The following ST6GALNAC3 variants were observed in gnomAD, a reference collection of about 807,000 sequenced individuals.
ST6GALNAC3 encodes ST6 N-acetylgalactosaminide alpha-2,6-sialyltransferase 3.
ST6GALNAC3 carries 25 observed loss-of-function variants against 32.7 expected under a neutral mutation model. The observed-to-expected ratio is 0.76, with a 90% CI of 0.56 to 1.07. The LOEUF is 1.07. ST6GALNAC3 is among the 50% of genes least tolerant of loss of function. ST6GALNAC3 has a pLI of 0.00. For synonymous variants in ST6GALNAC3, 129 were observed against 133.1 expected (o/e 0.97, Z 0.21); for missense variants, 355 against 382.4 (o/e 0.93, Z 0.60).
intron 3 of ST6GALNAC3, among the ~76,000 whole-genome samples, chr1:76,452,030 T>A (rs1318786258): frequency 2.0e-5 from 3 of 152,158 alleles, no homozygotes; most frequent in African/African-American, 7.2e-5. Context: ...CTTCTCCTTG[T>A]TAAGTATTGT....
At chr1:76,301,729 ATTCCTT>A (rs2100850123) in intron 1 of ST6GALNAC3, among the ~76,000 whole-genome samples, 1 of 152,100 alleles carries the variant, frequency 6.6e-6, no homozygotes, top group South Asian at 2.1e-4. Flanking sequence ...GACAGTGTAT[ATTCCTT>A]AGAGAGATGC....
At chr1:76,461,576 GGCATCT>G (rs1488238421) in intron 3 of ST6GALNAC3, among the ~76,000 whole-genome samples, 4 of 152,020 alleles carry the variant, frequency 2.6e-5, no homozygotes, top group African/African-American at 9.7e-5. Flanking sequence ...TCTCAGCATG[GGCATCT>G]GCCATGCTTG....
chr1:76,154,611 G>A (rs1273896297), intron 1 of ST6GALNAC3, among the ~76,000 whole-genome samples: 1 of 152,136 alleles, frequency 6.6e-6, no homozygotes, highest in Non-Finnish European at 1.5e-5. Context: ...GTACATCCAG[G>A]CTGCTCTTCT....
At chr1:76,331,094 G>A (rs139154107) in intron 2 of ST6GALNAC3, among the ~76,000 whole-genome samples, 113 of 152,234 alleles carry the variant, frequency 7.4e-4, no homozygotes, top group African/African-American at 2.2e-3. Flanking sequence ...TCGTGATAAT[G>A]ATGTAAGACT....
chr1:76,588,936 C>A (rs1647004319), intron 3 of ST6GALNAC3, among the ~76,000 whole-genome samples: 1 of 152,198 alleles, frequency 6.6e-6, no homozygotes, highest in Non-Finnish European at 1.5e-5. Flanking sequence ...CCCTGATTAG[C>A]TTTTCAGGTC....
chr1:76,487,638 T>G (rs2101679760), intron 3 of ST6GALNAC3, among the ~76,000 whole-genome samples: 1 of 152,332 alleles, frequency 6.6e-6, no homozygotes, highest in East Asian at 1.9e-4. Flanking sequence ...TAATCTTTTT[T>G]CAAGGTTTTT....
At chr1:76,248,131 G>A (rs1657413040) in intron 1 of ST6GALNAC3, among the ~76,000 whole-genome samples, 1 of 151,998 alleles carries the variant, frequency 6.6e-6, no homozygotes, top group Non-Finnish European at 1.5e-5. Context: ...CACTCTCTGT[G>A]GGTTGCACCC....
Position 76,412,507 on chromosome 1 carries a change from G to A in ST6GALNAC3, c.623+90G>A, listed in dbSNP as rs570617248. ...CCTTTTGCAGGATATAAAATGAACA[G>A]TTATTTATTTACGCTGATTGTTATA... is the stretch of plus-strand genomic sequence containing the variant. On this transcript the variant is annotated intron_variant, in intron 3 of 4. Coordinates refer to ENST00000328299, the MANE Select transcript of ST6GALNAC3 (RefSeq NM_152996.4). The A allele has an allele frequency of 6.0e-4, 791 of 1,321,266 alleles. 1 individual carries two copies. The highest frequency in any genetic ancestry group is 8.0e-4 in the Admixed American group (30 of 37,602). 81.8% of individuals were successfully genotyped at this position (1,321,266 alleles called of 1,614,324 possible).
intron 2 of ST6GALNAC3, among the ~76,000 whole-genome samples, chr1:76,345,557 A>G (rs1648431796): frequency 6.6e-6 from 1 of 152,184 alleles, no homozygotes; most frequent in Non-Finnish European, 1.5e-5. Context: ...CTACCTTGAA[A>G]TAGTATTTCT....
chr1:76,595,152 G>T (rs914436949), intron 3 of ST6GALNAC3, among the ~76,000 whole-genome samples: 1 of 152,114 alleles, frequency 6.6e-6, no homozygotes, highest in East Asian at 1.9e-4. Context: ...GAACAGTCTC[G>T]ATAAGCTGGG....
At chr1:76,503,022 A>G (rs1661266680) in intron 3 of ST6GALNAC3, among the ~76,000 whole-genome samples, 1 of 152,042 alleles carries the variant, frequency 6.6e-6, no homozygotes, top group Admixed American at 6.5e-5. Context: ...CAGTGTAGGT[A>G]AGGTTGAAAT....
At chr1:76,369,239 A>T (rs1419599979) in intron 2 of ST6GALNAC3, among the ~76,000 whole-genome samples, 1 of 152,010 alleles carries the variant, frequency 6.6e-6, no homozygotes, top group Admixed American at 6.6e-5. Context: ...TGTGTCTCTT[A>T]GGCTCACACT....
chr1:76,481,048 T>A (rs934178002), intron 3 of ST6GALNAC3, among the ~76,000 whole-genome samples: 4 of 152,134 alleles, frequency 2.6e-5, no homozygotes, highest in Non-Finnish European at 5.9e-5. Flanking sequence ...ACAGTAACTG[T>A]GTATCTATTG....
Position 76,410,031 on chromosome 1 carries a change from C to T in ST6GALNAC3, c.214-1977C>T, listed in dbSNP as rs146372056. On this transcript the variant is annotated intron_variant, in intron 2 of 4. Coordinates refer to ENST00000328299, the MANE Select transcript of ST6GALNAC3 (RefSeq NM_152996.4). ...TCCTCTCTTGCTGGGATTGTAGCAG[C>T]GGCCTAATCTCCTGCTTCCACCCTG... is the stretch of plus-strand genomic sequence containing the variant. 7.2e-5 allele frequency among the ~76,000 whole-genome samples: 11 copies of T among 152,224 alleles called. No homozygotes were observed. The East Asian group carries it at 7.7e-4, about 11-fold the overall frequency.
chr1:76,286,565 G>C (rs1659791916), intron 1 of ST6GALNAC3, among the ~76,000 whole-genome samples: 1 of 152,202 alleles, frequency 6.6e-6, no homozygotes, highest in Non-Finnish European at 1.5e-5. Context: ...TCTCAAGAGG[G>C]AGGTTTGATG....
intron 1 of ST6GALNAC3, among the ~76,000 whole-genome samples, chr1:76,284,757 A>C (rs1659685583): frequency 6.6e-6 from 1 of 152,148 alleles, no homozygotes; most frequent in Non-Finnish European, 1.5e-5. Flanking sequence ...ACTATTGTTA[A>C]GGATTCTCAT....
intron 3 of ST6GALNAC3, among the ~76,000 whole-genome samples, chr1:76,424,453 A>G (rs558991939): frequency 6.6e-6 from 1 of 152,046 alleles, no homozygotes; most frequent in African/African-American, 2.4e-5. Flanking sequence ...TGCCAAGCAC[A>G]TTGTGGGTGT....
chr1:76,564,167 T>A (rs1665410642), intron 3 of ST6GALNAC3, among the ~76,000 whole-genome samples: 1 of 152,132 alleles, frequency 6.6e-6, no homozygotes, highest in African/African-American at 2.4e-5. Context: ...ATAAACTGAG[T>A]ACCTGAGATA....
chr1:76,172,364 A>G (rs1305335429), intron 1 of ST6GALNAC3, among the ~76,000 whole-genome samples: 3 of 152,178 alleles, frequency 2.0e-5, no homozygotes, highest in Non-Finnish European at 4.4e-5. Flanking sequence ...ATTTATGACA[A>G]ACCCACAGAC....
Sources: gnomAD v4.1 joint callset for allele counts (sites outside exome capture counted in the v4.1 genomes callset) on GRCh38, gnomAD v4.1.1 for gene constraint, MANE v1.5 for transcripts, NCBI Gene and HGNC (gene_info 2026-07-23, HGNC 2026-07-21) for gene names.